Variants in TJP1 observed in about 807,000 individuals in gnomAD.
The protein encoded by TJP1 is tight junction protein ZO-1.
A neutral mutation model predicts 194.2 loss-of-function variants in TJP1; 43 were observed. The observed-to-expected ratio is 0.22, with a 90% CI of 0.17 to 0.29. TJP1 has a LOEUF of 0.29. TJP1 is among the 10% of genes least tolerant of loss of function. The pLI is 1.00. For missense variants in TJP1, 1,971 were observed against 2,185.7 expected (o/e 0.90, Z 1.96); for synonymous variants, 801 against 779.0 (o/e 1.03, Z -0.47).
rs562273814 is a variant in TJP1 at position 29,877,626 on chromosome 15, T to C, written c.307-76924A>G. Among the ~76,000 whole-genome samples, 12 of 148,238 alleles carry C rather than the reference T, an allele frequency of 8.1e-5. No individual in the cohort carries two copies. The East Asian group carries it at 1.6e-3, about 19-fold the overall frequency. ...TCCTTCCTTCCCTCCTCCTCCTCCT[T>C]CTTCTTTCTTCTTCTCTTTCTTTCT... On this transcript the variant is annotated intron_variant, in intron 2 of 28. Coordinates refer to the TJP1 transcript ENST00000356107.
intron 2 of TJP1, among the ~76,000 whole-genome samples, chr15:29,789,191 T>C (rs2047911372): frequency 6.6e-6 from 1 of 152,220 alleles, no homozygotes; most frequent in Admixed American, 6.5e-5. Flanking sequence ...ATTATACTGC[T>C]ACTGGGCGGT....
At chr15:29,813,291 A>C (rs1192210009) in intron 1 of TJP1, among the ~76,000 whole-genome samples, 2 of 152,232 alleles carry the variant, frequency 1.3e-5, no homozygotes, top group Admixed American at 6.5e-5. Flanking sequence ...ACACCAAAAG[A>C]AGCTTACTAC....
At chr15:29,730,184 G>A (rs1017022152) in intron 15 of TJP1, among the ~76,000 whole-genome samples, 8 of 152,038 alleles carry the variant, frequency 5.3e-5, no homozygotes, top group African/African-American at 1.9e-4. Context: ...AAGAGTGGAA[G>A]AAAATACAAT....
chr15:29,870,827 C>T (rs2052490238), intron 2 of TJP1, among the ~76,000 whole-genome samples: 1 of 152,250 alleles, frequency 6.6e-6, no homozygotes, highest in African/African-American at 2.4e-5. Flanking sequence ...ACTAGAAAGA[C>T]CAATTTTAAA....
chr15:29,799,444 C>T (rs146258310), intron 2 of TJP1, among the ~76,000 whole-genome samples: 1,901 of 149,950 alleles, frequency 0.013, 45 homozygotes, highest in African/African-American at 0.045. Context: ...GAGGGAGTCT[C>T]GCCTCTGTCA....
In TJP1 at chr15:29,766,417, C is replaced by G; in HGVS notation, c.438G>C (p.Val146=). ...IHDPRSGRSG[V]VNRRSEKIWP... ...AAATCTTCTCACTCCTTCTGTTAAC[C>G]ACACCACTCCGGCCACTTCTTGGAT... The change falls in exon 5 of 28, where the codon GTG becomes GTC. Residue 146 remains valine, a synonymous_variant. Coordinates refer to ENST00000614355, the MANE Select transcript of TJP1 (RefSeq NM_001330239.4). The G allele has an allele frequency of 6.2e-7, 1 of 1,614,176 alleles. No individual in the cohort carries two copies. Among genetic ancestry groups the G allele is most frequent in the Non-Finnish European group, 8.5e-7 (1 of 1,180,038 alleles).
chr15:29,740,225 T>A (rs1195414560), intron 10 of TJP1, among the ~76,000 whole-genome samples: 5 of 152,090 alleles, frequency 3.3e-5, no homozygotes, highest in Non-Finnish European at 5.9e-5. Context: ...TTCGCCCGCC[T>A]CGGCCTCCCA....
chr15:29,968,853 G>T, exon 1 of TJP1: 1 of 616,462 alleles, frequency 1.6e-6, no homozygotes, highest in Non-Finnish European at 2.1e-6. Context: ...TCAGCTCTGG[G>T]CCATCCGCCG....
intron 18 of TJP1, among the ~76,000 whole-genome samples, chr15:29,721,651 G>C (rs997041840): frequency 6.6e-6 from 1 of 152,190 alleles, no homozygotes; most frequent in African/African-American, 2.4e-5. Flanking sequence ...CTGGGTAATG[G>C]GCAGAGGTTG....
chr15:29,742,748 T>C lies in TJP1; in HGVS notation c.1044A>G (p.Lys348=). The change falls in exon 9 of 28, where the codon AAA becomes AAG. Residue 348 remains lysine (K), a synonymous_variant. Transcript: ENST00000614355. ...TTACAGGAGTTGAGACAGCCCCAGG[T>C]TTAGAAATTCTCTCTTCATCTCTAC... ...LRSRDEERIS[K]PGAVSTPVKH... 1 of 1,605,424 alleles carries C rather than the reference T, an allele frequency of 6.2e-7. No individual in the cohort carries two copies. Among genetic ancestry groups the C allele is most frequent in the Non-Finnish European group, 8.5e-7 (1 of 1,176,622 alleles).
At chr15:29,831,242 T>C (rs915917499) in intron 2 of TJP1, among the ~76,000 whole-genome samples, 1 of 152,242 alleles carries the variant, frequency 6.6e-6, no homozygotes, top group African/African-American at 2.4e-5. Context: ...TTAATAAATC[T>C]GGAAGGAATT....
chr15:29,947,152 T>G (rs886893884), intron 2 of TJP1, among the ~76,000 whole-genome samples: 2 of 152,314 alleles, frequency 1.3e-5, no homozygotes, highest in Admixed American at 1.3e-4. Context: ...AAAGTCTCAC[T>G]TCATGAACAC....
chr15:29,896,886 A>G (rs2053494405), intron 2 of TJP1, among the ~76,000 whole-genome samples: 1 of 152,196 alleles, frequency 6.6e-6, no homozygotes, highest in Non-Finnish European at 1.5e-5. Flanking sequence ...AGCATTCAAG[A>G]AGTGACTTGG....
At chr15:29,767,197 G>A (rs2046379871) in intron 4 of TJP1, among the ~76,000 whole-genome samples, 1 of 152,122 alleles carries the variant, frequency 6.6e-6, no homozygotes, top group East Asian at 1.9e-4. Context: ...TGTATTGCCT[G>A]TCCACTTATT....
At chr15:29,967,456 T>A (rs181714852) in intron 1 of TJP1, among the ~76,000 whole-genome samples, 2 of 152,168 alleles carry the variant, frequency 1.3e-5, no homozygotes, top group African/African-American at 4.8e-5. Context: ...GGTAGACACC[T>A]TTGTATTCAT....
At chr15:29,919,988 C>T (rs144916029) in intron 2 of TJP1, among the ~76,000 whole-genome samples, 2 of 152,294 alleles carry the variant, frequency 1.3e-5, no homozygotes, top group East Asian at 3.9e-4. Context: ...GGTGGTAAGT[C>T]CAGGCCCTGA....
At chr15:29,751,679 G>A (rs1390897425) in intron 8 of TJP1, among the ~76,000 whole-genome samples, 3 of 152,156 alleles carry the variant, frequency 2.0e-5, no homozygotes, top group Non-Finnish European at 4.4e-5. Context: ...ATAGCACTTT[G>A]TGCAGTTTAT....
At chr15:29,948,657 T>G (rs1027610287) in intron 2 of TJP1, among the ~76,000 whole-genome samples, 11 of 152,094 alleles carry the variant, frequency 7.2e-5, no homozygotes, top group African/African-American at 2.7e-4. Context: ...CGAGGAAGCC[T>G]ACGCAGAGGA....
At chr15:29,900,356 T>C (rs1332524465) in intron 2 of TJP1, among the ~76,000 whole-genome samples, 1 of 152,160 alleles carries the variant, frequency 6.6e-6, no homozygotes, top group Admixed American at 6.5e-5. Flanking sequence ...AATAACATAG[T>C]GCAGCTTACC....
Sources: gnomAD v4.1 joint callset for allele counts (sites outside exome capture counted in the v4.1 genomes callset) on GRCh38, gnomAD v4.1.1 for gene constraint, MANE v1.5 for transcripts, NCBI Gene and HGNC (gene_info 2026-07-23, HGNC 2026-07-21) for gene names.